Variants in CEP78 observed in about 807,000 individuals in gnomAD.
CEP78 encodes the protein centrosomal protein of 78 kDa.
In CEP78, 76 loss-of-function variants were observed where a neutral mutation model predicts 81.2. That is an observed-to-expected ratio of 0.94 (90% CI 0.78 to 1.13). The LOEUF is 1.13. CEP78 is among the 50% of genes most tolerant of loss of function. The probability of loss-of-function intolerance (pLI) is 0.00; values close to 1 mark genes in which losing one functional copy is unlikely to be tolerated. For synonymous variants in CEP78, 293 were observed against 301.4 expected, an observed-to-expected ratio of 0.97 and a Z score of 0.29; for missense variants, 918 against 846.8, an observed-to-expected ratio of 1.08 and a Z score of -1.04.
At chr9:78,250,414 A>G in intron 8 of CEP78, 1 of 389,926 alleles carries the variant, frequency 2.6e-6, no homozygotes, top group Non-Finnish European at 4.5e-6. Flanking sequence ...TCATCTAACA[A>G]GATAAGTAAA....
In CEP78 at chr9:78,240,356, G is replaced by A. The variant is rs200752089; in HGVS notation, c.491G>A (p.Gly164Asp). 2.1e-4 allele frequency: 329 copies of A among 1,577,802 alleles called. No individual in the cohort carries two copies. The highest frequency in any genetic ancestry group is 2.6e-4 in the Non-Finnish European group (304 of 1,159,310). The change falls in exon 3 of 17, where the codon GGT becomes GAT. Residue 164 changes from glycine (G) to aspartate (D), a missense_variant. Coordinates refer to ENST00000643273, the MANE Select transcript of CEP78 (RefSeq NM_001330691.3). ...SLANCPIGDGGLEIICQGIKS... is the reference protein window; with the variant it reads ...SLANCPIGDGDLEIICQGIKS... ...GCAAATTGTCCAATTGGAGATGGAGGTTTAGAAAGTGAGTTTAAATCTCAT... is the reference window on the plus strand; with the variant it reads ...GCAAATTGTCCAATTGGAGATGGAGATTTAGAAAGTGAGTTTAAATCTCAT...
In CEP78 at chr9:78,236,492, G is replaced by A. The variant is rs1323706997; in HGVS notation, c.142G>A (p.Asp48Asn). 4 of 1,606,694 alleles carry A rather than the reference G, an allele frequency of 2.5e-6. No individual in the cohort carries two copies. The East Asian group carries it at 6.7e-5, about 27-fold the overall frequency. ...LREGVLDFNA[D>N]RLRGVDWAPL... is the part of the protein sequence containing the mutation. ...GGAGGGCGTGCTGGATTTCAACGCC[G>A]ACCGCCTCCGCGGGGTGGACTGGGC... The change falls in exon 1 of 17, where the codon GAC becomes AAC. Residue 48 changes from aspartate to asparagine, a missense_variant. Asp to Asn is a conservative substitution (Grantham distance 23). Coordinates refer to ENST00000643273, the MANE Select transcript of CEP78 (RefSeq NM_001330691.3).
At chr9:78,243,382 A>G in intron 4 of CEP78, 80 bp from the exon 5 acceptor site, 2 of 1,172,172 alleles carry the variant, frequency 1.7e-6, no homozygotes, top group Non-Finnish European at 2.4e-6. Context: ...GCTCTGATGT[A>G]ATCAGCTGTA....
chr9:78,270,636 G>C (rs375074331), intron 16 of CEP78, among the ~76,000 whole-genome samples: 13 of 152,122 alleles, frequency 8.5e-5, no homozygotes, highest in Admixed American at 2.0e-4. Flanking sequence ...CATCACTCTT[G>C]CTTGCCCATC....
rs749710371 is a variant in CEP78 at position 78,254,916 on chromosome 9, T to A, written c.1332T>A (p.Ser444Arg). Residue 444 changes from serine to arginine, a missense_variant, in exon 11 of 17, where the codon AGT becomes AGA. Coordinates refer to ENST00000643273, the MANE Select transcript of CEP78 (RefSeq NM_001330691.3). The part of the protein sequence containing the change: ...EVEEVDDSSE[S>R]VHEVPEKTSI... ...AAGAGGTTGATGATTCTTCAGAGAGTGTTCATGAAGTGCCTGAGAAAACTA... is the reference window on the plus strand; with the variant it reads ...AAGAGGTTGATGATTCTTCAGAGAGAGTTCATGAAGTGCCTGAGAAAACTA... 1 of 1,611,278 alleles carries A rather than the reference T, an allele frequency of 6.2e-7. No homozygotes were observed. The highest frequency in any genetic ancestry group is 8.5e-7 in the Non-Finnish European group (1 of 1,178,018).
chr9:78,253,489 A>C (rs1284329133), intron 10 of CEP78: 2 of 451,966 alleles, frequency 4.4e-6, no homozygotes, highest in East Asian at 6.5e-5. Context: ...CTGTGTAGAC[A>C]GGAAGTCATT....
At position 78,271,293 on chromosome 9, in the gene CEP78, A is replaced by G. The variant is rs1827682787; in HGVS notation, c.*442A>G. 6.5e-6 allele frequency: 1 copy of G among 152,918 alleles called. No individual in the cohort carries two copies. The highest frequency in any genetic ancestry group is 2.4e-5 in the African/African-American group (1 of 41,506). The allele number at this position is 152,918 out of a possible 1,614,324, so 9.5% of individuals were successfully genotyped here. A position where few individuals can be genotyped will look rare whatever the true frequency, so the allele number is the denominator to read the frequency against. On this transcript the variant is annotated 3_prime_UTR_variant, in exon 17 of 17. Coordinates refer to ENST00000643273, the MANE Select transcript of CEP78 (RefSeq NM_001330691.3). ...TTTAATCTTAGGCCCTCATTTATAA[A>G]TATGGACAACCAAGAATCATCAAAT...
rs1827736246 is a variant in CEP78 at position 78,273,406 on chromosome 9, A to G, written c.*2555A>G. 1.3e-5 allele frequency: 2 copies of G among 152,228 alleles called. No individual in the cohort carries two copies. Among genetic ancestry groups the G allele is most frequent in the Non-Finnish European group, 2.9e-5 (2 of 68,040 alleles). The allele number at this position is 152,228 out of a possible 1,614,324, so 9.4% of individuals were successfully genotyped here. The stretch of plus-strand genomic sequence containing the variant: ...TTGGCTGATAAGTACAGTGTTGCAG[A>G]AGATTTTTTAAAAAAATATATCTGC... On this transcript the variant is annotated 3_prime_UTR_variant, in exon 17 of 17. Transcript: ENST00000643273.
chr9:78,253,401 T>C, intron 10 of CEP78, 124 bp downstream of exon 10: 1 of 659,410 alleles, frequency 1.5e-6, no homozygotes, highest in Non-Finnish European at 2.7e-6. Context: ...GTAAATTCTT[T>C]AAAAATTTTC....
At chr9:78,242,954 C>A (rs1210957193) in intron 4 of CEP78, among the ~76,000 whole-genome samples, 1 of 151,978 alleles carries the variant, frequency 6.6e-6, no homozygotes, top group Admixed American at 6.6e-5. Context: ...ATTTTTGTAT[C>A]ATTTAAAAAA....
intron 14 of CEP78, 89 bp from the exon 15 acceptor site, chr9:78,265,770 G>A (rs1283371565): frequency 1.9e-5 from 15 of 791,380 alleles, no homozygotes; most frequent in Non-Finnish European, 3.2e-5. Context: ...ATTTAAAGTA[G>A]ACTATCCTCA....
chr9:78,262,211 T>C (rs1827308460), intron 11 of CEP78, among the ~76,000 whole-genome samples: 1 of 151,974 alleles, frequency 6.6e-6, no homozygotes, highest in Non-Finnish European at 1.5e-5. Context: ...TATTTTTTTT[T>C]TTTTTTTTAC....
At position 78,277,332 on chromosome 9, in the gene CEP78, A is replaced by G. The variant is rs1176974692; in HGVS notation, c.*6481A>G. ...AAAAGTAAAACCTTTCACTTTTTAC[A>G]AAACTTTGATAAAATTAGATTTCAT... On this transcript the variant is annotated 3_prime_UTR_variant, in exon 17 of 17. Transcript: ENST00000643273. 6.6e-6 allele frequency: 1 copy of G among 152,310 alleles called. No homozygotes were observed. The highest frequency in any genetic ancestry group is 1.5e-5 in the Non-Finnish European group (1 of 68,016). The allele number at this position is 152,310 out of a possible 1,614,324, so 9.4% of individuals were successfully genotyped here.
rs559914106 is a variant in CEP78, at chr9:78,248,146, G to C, written c.893-145G>C. The C allele has an allele frequency of 2.3e-5, 15 of 641,556 alleles. No individual in the cohort carries two copies. In the East Asian group the frequency reaches 4.0e-4, roughly 17 times the overall value. The allele number at this position is 641,556 out of a possible 1,614,324, so 39.7% of individuals were successfully genotyped here. ...GAGGAAGAAGTTAGAATACTCAAAGGGGGAAAAGGTATTTAATTACATTAT... is the reference window on the plus strand; with the variant it reads ...GAGGAAGAAGTTAGAATACTCAAAGCGGGAAAAGGTATTTAATTACATTAT... On this transcript the variant is annotated intron_variant, in intron 6 of 16. Coordinates refer to ENST00000643273, the MANE Select transcript of CEP78 (RefSeq NM_001330691.3).
At chr9:78,269,295 T>C (rs767916467) in intron 16 of CEP78, among the ~76,000 whole-genome samples, 3 of 152,116 alleles carry the variant, frequency 2.0e-5, no homozygotes, top group Non-Finnish European at 2.9e-5. Flanking sequence ...GGTGGTATCA[T>C]TGAGGCTGAG....
At chr9:78,248,427 C>G in intron 7 of CEP78, 72 bp downstream of exon 7, 1 of 967,052 alleles carries the variant, frequency 1.0e-6, no homozygotes, top group Non-Finnish European at 1.6e-6. Context: ...CACTGTACTG[C>G]CCAGCCTGGC....
intron 2 of CEP78, 37 bp from the exon 3 acceptor site, chr9:78,240,255 C>G (rs1247487971): frequency 6.2e-7 from 1 of 1,610,564 alleles, no homozygotes. Flanking sequence ...GGAAAAAAAA[C>G]CTCAATAACA....
At position 78,236,409 on chromosome 9, in the gene CEP78, A is replaced by T. The variant is rs187080779; in HGVS notation, c.59A>T (p.Glu20Val). 15 of 1,598,418 alleles carry T rather than the reference A, an allele frequency of 9.4e-6. No individual in the cohort carries two copies. The Admixed American group carries it at 2.6e-4, about 27-fold the overall frequency. ...GCGGCGGACTTCTTCTCCCACTACG[A>T]GTACCTGTGCGCGCTGCAGAACTCG... ...DSAADFFSHY[E>V]YLCALQNSVP... Residue 20 changes from glutamate (E) to valine (V), a missense_variant, in exon 1 of 17, where the codon GAG (glutamate) becomes GTG (valine). Coordinates refer to ENST00000643273, the MANE Select transcript of CEP78 (RefSeq NM_001330691.3).
intron 1 of CEP78, 199 bp downstream of exon 1, chr9:78,236,802 A>G: frequency 1.6e-6 from 1 of 607,358 alleles, no homozygotes; most frequent in South Asian, 3.2e-5. Context: ...GACCCAGGTT[A>G]TGTGCGCCTT....
Sources: allele counts gnomAD v4.1 joint callset (sites outside exome capture counted in the v4.1 genomes callset), GRCh38; gene constraint gnomAD v4.1.1; transcripts MANE v1.5; gene names NCBI Gene and HGNC (gene_info 2026-07-23, HGNC 2026-07-21).